The following RNF139 variants were observed in gnomAD, a reference collection of about 807,000 sequenced individuals.
RNF139 encodes the protein ring finger protein 139, also known as E3 ubiquitin-protein ligase RNF139.
RNF139 carries 15 observed loss-of-function variants against 49.5 expected under a neutral mutation model. That is an observed-to-expected ratio of 0.30 (90% CI 0.20 to 0.47). The LOEUF (loss-of-function observed/expected upper bound fraction) is 0.47. Ranked by LOEUF, RNF139 falls within the 20% of genes least tolerant of loss-of-function variation. RNF139 has a pLI of 1.00. For missense variants in RNF139, 619 were observed against 806.3 expected, an observed-to-expected ratio of 0.77 and a Z score of 2.81; for synonymous variants, 325 against 300.9, an observed-to-expected ratio of 1.08 and a Z score of -0.83.
chr8:124,480,404 TAAAAA>T (rs34661621), intron 1 of RNF139, among the ~76,000 whole-genome samples: 2 of 89,078 alleles, frequency 2.2e-5, no homozygotes, highest in Admixed American at 2.5e-4. Context: ...ACTCCATCAC[TAAAAA>T]AAAAAAAAAA....
In RNF139 at chr8:124,487,645, T is replaced by A; in HGVS notation, c.*1T>A. ...AGAATTTAATGATGATACTGACTGATGAAAATAGCATTTATTAATGATTGA... is the reference window on the plus strand; with the variant it reads ...AGAATTTAATGATGATACTGACTGAAGAAAATAGCATTTATTAATGATTGA... On this transcript the variant is annotated 3_prime_UTR_variant, in exon 2 of 2. Transcript: ENST00000303545. 1 of 1,587,070 alleles carries A rather than the reference T, an allele frequency of 6.3e-7. No homozygotes were observed. The highest frequency in any genetic ancestry group is 1.1e-5 in the South Asian group (1 of 87,056).
At chr8:124,478,558 A>C (rs1816349069) in intron 1 of RNF139, among the ~76,000 whole-genome samples, 1 of 151,186 alleles carries the variant, frequency 6.6e-6, no homozygotes, top group South Asian at 2.1e-4. Context: ...CAGTGAGCCA[A>C]GATCGCGCCA....
rs1563632302 is a variant in RNF139 at position 124,486,005 on chromosome 8, T to C, written c.356T>C (p.Leu119Pro). 3 of 1,614,216 alleles carry C rather than the reference T, an allele frequency of 1.9e-6. No homozygotes were observed. The highest frequency in any genetic ancestry group is 2.5e-6 in the Non-Finnish European group (3 of 1,180,010). Residue 119 changes from leucine to proline, a missense_variant, in exon 2 of 2, where the codon CTT (leucine) becomes CCT (proline). Around this residue, in one of 2 missense-constraint regions of RNF139, gnomAD observed 530 missense variants for 728.9 expected, o/e 0.73. Coordinates refer to ENST00000303545, the MANE Select transcript of RNF139 (RefSeq NM_007218.4). ...YNTSAFGIEL[L>P]PRKGPSLWMA... ...ACGTCAGCTTTTGGAATTGAGCTGC[T>C]TCCTCGAAAAGGTCCCTCGCTGTGG...
chr8:124,475,934 CAA>C (rs777021093), intron 1 of RNF139, among the ~76,000 whole-genome samples: 4 of 152,178 alleles, frequency 2.6e-5, no homozygotes, highest in Admixed American at 6.5e-5. Context: ...AGACATTTGC[CAA>C]AGAGACTTCT....
chr8:124,488,470 A>AG lies in RNF139; in HGVS notation c.*826_*827insG. Reference sequence around the variant, plus strand: ...GAGAAAAAGAAGGGGAATGGTGGGGAATGGTGTGTACCGATATATAGTATT... The same window carrying AG: ...GAGAAAAAGAAGGGGAATGGTGGGGAGATGGTGTGTACCGATATATAGTATT... On this transcript the variant is annotated 3_prime_UTR_variant, in exon 2 of 2. Coordinates refer to ENST00000303545, the MANE Select transcript of RNF139 (RefSeq NM_007218.4). 1.9e-6 allele frequency: 1 copy of AG among 516,710 alleles called. No individual in the cohort carries two copies. The highest frequency in any genetic ancestry group is 3.4e-5 in the South Asian group (1 of 28,996). 32.0% of individuals were successfully genotyped at this position (516,710 alleles called of 1,614,324 possible).
chr8:124,477,297 G>C (rs1482562218), intron 1 of RNF139, among the ~76,000 whole-genome samples: 1 of 152,108 alleles, frequency 6.6e-6, no homozygotes, highest in Non-Finnish European at 1.5e-5. Context: ...AGGATGATAA[G>C]AATGAAAAAA....
rs777515401 is a variant in RNF139, at chr8:124,486,300, A to T, written c.651A>T (p.Arg217=). Residue 217 remains arginine, a synonymous_variant, in exon 2 of 2, where the codon CGA becomes CGT. Coordinates refer to ENST00000303545, the MANE Select transcript of RNF139 (RefSeq NM_007218.4). ...ATCTTTTGGTGAGGCACATGTATCGAATTTACGGATTACAGTTATTGATGG... is the reference window on the plus strand; with the variant it reads ...ATCTTTTGGTGAGGCACATGTATCGTATTTACGGATTACAGTTATTGATGG... ...YVYLLVRHMY[R]IYGLQLLMED... 1 of 1,614,120 alleles carries T rather than the reference A, an allele frequency of 6.2e-7. No individual in the cohort carries two copies. The highest frequency in any genetic ancestry group is 8.5e-7 in the Non-Finnish European group (1 of 1,180,006).
At position 124,474,952 on chromosome 8, in the gene RNF139, G is replaced by T; in HGVS notation, c.-158G>T. 1 of 410,760 alleles carries T rather than the reference G, an allele frequency of 2.4e-6. No individual in the cohort carries two copies. The highest frequency in any genetic ancestry group is 1.2e-4 in the South Asian group (1 of 8,366). The allele number at this position is 410,760 out of a possible 1,614,324, so 25.4% of individuals were successfully genotyped here. ...CCTCCGCCGCCTGCTCCACCTCGAGGGACGCGAGCGGGCGGCGGGGCTGGC... is the reference window on the plus strand; with the variant it reads ...CCTCCGCCGCCTGCTCCACCTCGAGTGACGCGAGCGGGCGGCGGGGCTGGC... On this transcript the variant is annotated 5_prime_UTR_variant, in exon 1 of 2. Transcript: ENST00000303545. This position sits in a 1 kb window ranked among gnomAD's most constrained non-coding sequence, Gnocchi z 4.6.
chr8:124,482,668 T>A (rs1816434511), intron 1 of RNF139, among the ~76,000 whole-genome samples: 1 of 151,842 alleles, frequency 6.6e-6, no homozygotes, highest in Non-Finnish European at 1.5e-5. Flanking sequence ...GGCTCACGCC[T>A]ATAATCGCAG....
intron 1 of RNF139, among the ~76,000 whole-genome samples, chr8:124,479,287 A>G (rs1711156447): frequency 6.6e-6 from 1 of 151,192 alleles, no homozygotes; most frequent in African/African-American, 2.4e-5. Context: ...GCCTAGAGAG[A>G]TAGTTTGCTT....
intron 1 of RNF139, among the ~76,000 whole-genome samples, chr8:124,478,356 C>T (rs985613429): frequency 2.0e-5 from 3 of 151,950 alleles, no homozygotes; most frequent in Admixed American, 1.3e-4. Flanking sequence ...GTGGCTCACG[C>T]CTATAATCCC....
chr8:124,476,988 A>T (rs1816325788), intron 1 of RNF139, among the ~76,000 whole-genome samples: 1 of 152,238 alleles, frequency 6.6e-6, no homozygotes, highest in African/African-American at 2.4e-5. Context: ...AACATGACTT[A>T]AGGCAACTGC....
At position 124,486,809 on chromosome 8, in the gene RNF139, G is replaced by A. The variant is rs751128494; in HGVS notation, c.1160G>A (p.Arg387His). The A allele has an allele frequency of 1.5e-5, 25 of 1,613,534 alleles. No homozygotes were observed. Among genetic ancestry groups the A allele is most frequent in the South Asian group, 3.3e-5 (3 of 91,078 alleles). ...AGTGCCTCTCATGTGTCATCTTTTC[G>A]TAGACATTTTCCTGTGCTGTTTGTC... ...SLSASHVSSFRRHFPVLFVSA... is the reference protein window; with the variant it reads ...SLSASHVSSFHRHFPVLFVSA... Residue 387 changes from arginine (R) to histidine (H), a missense_variant, in exon 2 of 2, where the codon CGT (arginine) becomes CAT (histidine). This residue lies in a region of RNF139 where 530 missense variants were observed against 728.9 expected (regional missense o/e 0.73). Coordinates refer to ENST00000303545, the MANE Select transcript of RNF139 (RefSeq NM_007218.4).
In RNF139 at chr8:124,487,974, A is replaced by G; in HGVS notation, c.*330A>G. 1 of 197,494 alleles carries G rather than the reference A, an allele frequency of 5.1e-6. No homozygotes were observed. The highest frequency in any genetic ancestry group is 1.0e-5 in the Non-Finnish European group (1 of 97,846). 12.2% of individuals were successfully genotyped at this position (197,494 alleles called of 1,614,324 possible). A position where few individuals can be genotyped will look rare whatever the true frequency, so the allele number is the denominator to read the frequency against. On this transcript the variant is annotated 3_prime_UTR_variant, in exon 2 of 2. Coordinates refer to ENST00000303545, the MANE Select transcript of RNF139 (RefSeq NM_007218.4). Reference sequence around the variant, plus strand: ...CACCTGTGCCAAATATTCTTCAATGAAATTATATAATGTAACTTTGGACCT... The same window carrying G: ...CACCTGTGCCAAATATTCTTCAATGGAATTATATAATGTAACTTTGGACCT...
chr8:124,483,378 T>G (rs191997048), intron 1 of RNF139: 3 of 151,536 alleles, frequency 2.0e-5, no homozygotes, highest in African/African-American at 7.3e-5. Context: ...TGTAATAATA[T>G]GCAATGTCTT....
At chr8:124,476,492 G>A (rs1189751111) in intron 1 of RNF139, among the ~76,000 whole-genome samples, 1 of 152,138 alleles carries the variant, frequency 6.6e-6, no homozygotes, top group Non-Finnish European at 1.5e-5. Flanking sequence ...ATTAAATATG[G>A]TTTACTTTCC....
At position 124,486,105 on chromosome 8, in the gene RNF139, A is replaced by C; in HGVS notation, c.456A>C (p.Ser152=). The C allele has an allele frequency of 6.2e-7, 1 of 1,614,166 alleles. No individual in the cohort carries two copies. The highest frequency in any genetic ancestry group is 8.5e-7 in the Non-Finnish European group (1 of 1,179,990). ...VTLLQIHSIY[S]QLIILDLLVP... ...TACTCCAGATTCATTCCATCTATTC[A>C]CAATTAATTATTTTGGATCTCTTGG... The change falls in exon 2 of 2, where the codon TCA becomes TCC. Residue 152 remains serine, a synonymous_variant. Transcript: ENST00000303545.
At position 124,487,400 on chromosome 8, in the gene RNF139, T is replaced by C. The variant is rs770557238; in HGVS notation, c.1751T>C (p.Met584Thr). 7.4e-6 allele frequency: 12 copies of C among 1,614,152 alleles called. No individual in the cohort carries two copies. The highest frequency in any genetic ancestry group is 8.5e-7 in the Non-Finnish European group (1 of 1,180,006). ...CTGTACATTCAAGATACTTGTCCAA[T>C]GTGCCATCAGAAAGTATACATCGAA... ...KWLYIQDTCPMCHQKVYIEDD... is the reference protein window; with the variant it reads ...KWLYIQDTCPTCHQKVYIEDD... Residue 584 changes from methionine to threonine, a missense_variant, in exon 2 of 2, where the codon ATG becomes ACG. Around this residue, in one of 2 missense-constraint regions of RNF139, gnomAD observed 530 missense variants for 728.9 expected, o/e 0.73. Transcript: ENST00000303545.
intron 1 of RNF139, among the ~76,000 whole-genome samples, chr8:124,478,236 A>G (rs1013382242): frequency 2.6e-5 from 4 of 152,198 alleles, no homozygotes; most frequent in Admixed American, 6.5e-5. Flanking sequence ...CAGATGTTCA[A>G]TAAGCAAGAG....
Sources: allele counts gnomAD v4.1 joint callset (sites outside exome capture counted in the v4.1 genomes callset), GRCh38; gene constraint gnomAD v4.1.1; regional missense constraint gnomAD v4.1.1; non-coding constraint Gnocchi (gnomAD v3.1); transcripts MANE v1.5; gene names NCBI Gene and HGNC (gene_info 2026-07-23, HGNC 2026-07-21).